Variants in SPINT2 observed in about 807,000 individuals in gnomAD.
The protein encoded by SPINT2 is kunitz-type protease inhibitor 2.
In SPINT2, 18 loss-of-function variants were observed where a neutral mutation model predicts 30.1. That is an observed-to-expected ratio of 0.60 (90% CI 0.41 to 0.89). SPINT2 has a LOEUF of 0.89. SPINT2 is among the 40% of genes least tolerant of loss of function. The pLI, the probability that SPINT2 is intolerant of heterozygous loss-of-function variation, is 0.00. For synonymous variants in SPINT2, 139 were observed against 137.9 expected, an observed-to-expected ratio of 1.01 and a Z score of -0.05; for missense variants, 276 against 334.3, an observed-to-expected ratio of 0.83 and a Z score of 1.36.
At chr19:38,273,172 A>G (rs1180675442) in intron 1 of SPINT2, among the ~76,000 whole-genome samples, 1 of 151,902 alleles carries the variant, frequency 6.6e-6, no homozygotes. Flanking sequence ...TTTTTTTTGA[A>G]AGGTTCTGAA....
At chr19:38,283,449 A>G (rs1436298554) in intron 1 of SPINT2, among the ~76,000 whole-genome samples, 178 bp from the exon 2 acceptor site, 2 of 152,214 alleles carry the variant, frequency 1.3e-5, no homozygotes, top group Non-Finnish European at 2.9e-5. Flanking sequence ...ATGTGTTTAT[A>G]CAAGGAAGGA....
intron 2 of SPINT2, among the ~76,000 whole-genome samples, chr19:38,284,872 C>T (rs1006863301): frequency 1.3e-5 from 2 of 152,064 alleles, no homozygotes; most frequent in Admixed American, 6.6e-5. Context: ...TCCACCACTA[C>T]GCCTGGCTAA....
chr19:38,288,545 C>T (rs1390616035), intron 3 of SPINT2: 3 of 203,430 alleles, frequency 1.5e-5, no homozygotes, highest in African/African-American at 7.0e-5. Flanking sequence ...TCGGGGCAGA[C>T]CTCAGGCCAT....
intron 1 of SPINT2, among the ~76,000 whole-genome samples, chr19:38,266,136 G>A (rs1968375542): frequency 6.6e-6 from 1 of 152,156 alleles, no homozygotes. Context: ...GAGTACAAAG[G>A]CCTTGAAGCT....
At chr19:38,280,569 A>G (rs530936345) in intron 1 of SPINT2, among the ~76,000 whole-genome samples, 1 of 152,236 alleles carries the variant, frequency 6.6e-6, no homozygotes, top group Non-Finnish European at 1.5e-5. Flanking sequence ...CTGGGCCTAT[A>G]AAGATGTTGG....
In SPINT2 at chr19:38,292,152, A is replaced by G; in HGVS notation, c.*146A>G. 9.2e-6 allele frequency: 11 copies of G among 1,191,914 alleles called. No homozygotes were observed. The highest frequency in any genetic ancestry group is 1.3e-5 in the Non-Finnish European group (11 of 846,344). 73.8% of individuals were successfully genotyped at this position (1,191,914 alleles called of 1,614,324 possible). On this transcript the variant is annotated 3_prime_UTR_variant, in exon 7 of 7. Coordinates refer to ENST00000301244, the MANE Select transcript of SPINT2 (RefSeq NM_021102.4). ...TAGGACGGCTGCTTCCTGGTCTGGCAGGGATGGGTTTGCTTTGGAAATCCT... is the reference window on the plus strand; with the variant it reads ...TAGGACGGCTGCTTCCTGGTCTGGCGGGGATGGGTTTGCTTTGGAAATCCT...
At chr19:38,289,313 T>C in intron 4 of SPINT2, 122 bp downstream of exon 4, 1 of 850,034 alleles carries the variant, frequency 1.2e-6, no homozygotes, top group Non-Finnish European at 1.9e-6. Flanking sequence ...TGAAACCCTG[T>C]CTCTACTAAA....
chr19:38,274,919 A>G lies in SPINT2; in HGVS notation c.107-8708A>G, dbSNP rs548721693. ...TGGATCTGCAGCCAGGGAGCTTGTGAAGGCTTCTTGTCCACGGAAATGAGG... is the reference window on the plus strand; with the variant it reads ...TGGATCTGCAGCCAGGGAGCTTGTGGAGGCTTCTTGTCCACGGAAATGAGG... On this transcript the variant is annotated intron_variant, in intron 1 of 6. Coordinates refer to ENST00000301244, the MANE Select transcript of SPINT2 (RefSeq NM_021102.4). Among the ~76,000 whole-genome samples the G allele has an allele frequency of 1.1e-4, 16 of 152,082 alleles. No individual in the cohort carries two copies. The South Asian group carries it at 2.7e-3, about 26-fold the overall frequency.
At chr19:38,288,474 A>C in intron 3 of SPINT2, 1 of 222,012 alleles carries the variant, frequency 4.5e-6, no homozygotes, top group Non-Finnish European at 9.2e-6. Flanking sequence ...TGGTTTAAGG[A>C]CTCTGCATCG....
In SPINT2 at chr19:38,290,408, C is replaced by G; in HGVS notation, c.553+128C>G. 1 of 1,587,282 alleles carries G rather than the reference C, an allele frequency of 6.3e-7. No individual in the cohort carries two copies. The highest frequency in any genetic ancestry group is 8.6e-7 in the Non-Finnish European group (1 of 1,165,468). On this transcript the variant is annotated intron_variant, in intron 5 of 6. Coordinates refer to ENST00000301244, the MANE Select transcript of SPINT2 (RefSeq NM_021102.4). This position sits in a 1 kb window ranked among gnomAD's most constrained non-coding sequence, Gnocchi z 4.3. ...CCACCAGGGCAGCAAGGCCTCTAAG[C>G]CCCAGAAAAGCTGGAAGAAAGCCCC... is the stretch of plus-strand genomic sequence containing the variant.
intron 1 of SPINT2, chr19:38,265,408 G>A (rs1321509377): frequency 6.4e-6 from 1 of 155,888 alleles, no homozygotes; most frequent in Non-Finnish European, 1.4e-5. Context: ...GTGACCTGGT[G>A]GCCGTTTTAG....
chr19:38,274,625 C>T (rs1278759140), intron 1 of SPINT2, among the ~76,000 whole-genome samples: 1 of 152,056 alleles, frequency 6.6e-6, no homozygotes, highest in African/African-American at 2.4e-5. Flanking sequence ...TGAGGCCAGC[C>T]TGGCCAGCAC....
Position 38,264,694 on chromosome 19 carries a change from C to T in SPINT2, c.-199C>T. ...GAGGAGCAGACCCAGGCATCGCGCG[C>T]CGAGAAGGCCGGGCGTCCCCACACT... On this transcript the variant is annotated 5_prime_UTR_variant, in exon 1 of 7. Coordinates refer to ENST00000301244, the MANE Select transcript of SPINT2 (RefSeq NM_021102.4). 1.7e-6 allele frequency: 1 copy of T among 588,290 alleles called. No individual in the cohort carries two copies. The highest frequency in any genetic ancestry group is 2.0e-5 in the South Asian group (1 of 49,398). 36.4% of individuals were successfully genotyped at this position (588,290 alleles called of 1,614,324 possible). A position where few individuals can be genotyped will look rare whatever the true frequency, so the allele number is the denominator to read the frequency against.
intron 1 of SPINT2, among the ~76,000 whole-genome samples, chr19:38,268,606 G>A (rs1252362506): frequency 6.6e-6 from 1 of 152,170 alleles, no homozygotes; most frequent in African/African-American, 2.4e-5. Flanking sequence ...ATCTTACTCA[G>A]CTTGCCTCAT....
chr19:38,288,026 C>T, intron 3 of SPINT2, 91 bp downstream of exon 3: 1 of 1,464,134 alleles, frequency 6.8e-7, no homozygotes, highest in Non-Finnish European at 9.6e-7. Context: ...TCACAGGCTT[C>T]CCTCTCATGG....
chr19:38,289,345 G>A (rs763387938), intron 4 of SPINT2, 154 bp downstream of exon 4: 26 of 626,290 alleles, frequency 4.2e-5, no homozygotes, highest in South Asian at 3.4e-4. Context: ...TTAGCTGGAC[G>A]TAGTGGCATG....
Position 38,264,883 on chromosome 19 carries a change from T to C in SPINT2, c.-10T>C, listed in dbSNP as rs1197861856. The C allele has an allele frequency of 6.5e-7, 1 of 1,533,338 alleles. No individual in the cohort carries two copies. The highest frequency in any genetic ancestry group is 8.7e-7 in the Non-Finnish European group (1 of 1,145,384). 95.0% of individuals were successfully genotyped at this position (1,533,338 alleles called of 1,614,324 possible). A position where few individuals can be genotyped will look rare whatever the true frequency, so the allele number is the denominator to read the frequency against. On this transcript the variant is annotated 5_prime_UTR_variant, in exon 1 of 7. Transcript: ENST00000301244. Reference sequence around the variant, plus strand: ...GGTGGCGTCGCCTGCGCGTCTCGGCTGAGCTGGCCATGGCGCAGCTGTGCG... The same window carrying C: ...GGTGGCGTCGCCTGCGCGTCTCGGCCGAGCTGGCCATGGCGCAGCTGTGCG...
At chr19:38,269,893 G>A (rs998762465) in intron 1 of SPINT2, among the ~76,000 whole-genome samples, 4 of 152,278 alleles carry the variant, frequency 2.6e-5, no homozygotes, top group Admixed American at 1.3e-4. Flanking sequence ...ACAGGCGTGA[G>A]CCACCGCGCC....
intron 3 of SPINT2, chr19:38,288,774 A>C: frequency 7.1e-6 from 2 of 283,486 alleles, no homozygotes; most frequent in African/African-American, 2.2e-5. Context: ...CTCCCTGTTT[A>C]TCCTCTGCTA....
Sources: allele counts gnomAD v4.1 joint callset (sites outside exome capture counted in the v4.1 genomes callset), GRCh38; gene constraint gnomAD v4.1.1; non-coding constraint Gnocchi (gnomAD v3.1); transcripts MANE v1.5; gene names NCBI Gene and HGNC (gene_info 2026-07-23, HGNC 2026-07-21).